The following KCTD1 variants were observed in gnomAD, a reference collection of about 807,000 sequenced individuals.
KCTD1 encodes potassium channel tetramerization domain containing 1.
In KCTD1, 24 loss-of-function variants were observed where a neutral mutation model predicts 66.0. That is an observed-to-expected ratio of 0.36 (90% CI 0.26 to 0.51). KCTD1 has a LOEUF of 0.51. Ranked by LOEUF, KCTD1 falls within the 20% of genes least tolerant of loss-of-function variation. KCTD1 has a pLI of 0.95. For synonymous variants in KCTD1, 511 were observed against 517.2 expected (o/e 0.99, Z 0.16); for missense variants, 943 against 1,205.2 (o/e 0.78, Z 3.22).
chr18:26,538,247 TA>T (rs1156986948), intron 1 of KCTD1, among the ~76,000 whole-genome samples: 3 of 147,734 alleles, frequency 2.0e-5, no homozygotes, highest in East Asian at 2.0e-4. Context: ...AACTCCGTCT[TA>T]AAAAAAAAAG....
chr18:26,584,832 A>C (rs956504691), intron 1 of KCTD1, among the ~76,000 whole-genome samples: 2 of 152,218 alleles, frequency 1.3e-5, no homozygotes, highest in Non-Finnish European at 1.5e-5. Context: ...GGAGTTAACC[A>C]GATCAGGAGA....
At chr18:26,552,857 CAAATT>C (rs1416688132), upstream of KCTD1, among the ~76,000 whole-genome samples, 4 of 151,634 alleles carry the variant, frequency 2.6e-5, no homozygotes, top group African/African-American at 4.9e-5. Context: ...TTTAAAGACA[CAAATT>C]AAAAGAGACG....
intron 1 of KCTD1, among the ~76,000 whole-genome samples, chr18:26,622,230 A>G (rs1160852340): frequency 6.6e-6 from 1 of 152,240 alleles, no homozygotes; most frequent in African/African-American, 2.4e-5. Flanking sequence ...AAGTTGTAAG[A>G]ACTCACGAGA....
chr18:26,548,371 C>CCT lies in KCTD1; in HGVS notation c.164_165dup (p.Glu56ArgfsTer17). 1 of 1,481,358 alleles carries CCT rather than the reference C, an allele frequency of 6.8e-7. No homozygotes were observed. The highest frequency in any genetic ancestry group is 9.0e-7 in the Non-Finnish European group (1 of 1,117,180). 91.8% of individuals were successfully genotyped at this position (1,481,358 alleles called of 1,614,324 possible). On this transcript the variant is annotated frameshift_variant, in exon 1 of 5. Transcript: ENST00000580059. LOFTEE classifies it high-confidence loss of function. ...TCCTCCTCCTCCTCTTCCTCCTCCT[C>CCT]CTCGCCCGCGCTGCAGTAGTGCGGA...
At chr18:26,563,918 A>C (rs1432106252) in intron 1 of KCTD1, among the ~76,000 whole-genome samples, 1 of 151,964 alleles carries the variant, frequency 6.6e-6, no homozygotes. Context: ...CTCACTCTGT[A>C]TGGCAGATTT....
intron 1 of KCTD1, among the ~76,000 whole-genome samples, chr18:26,645,604 C>A (rs981173862): frequency 1.3e-5 from 2 of 152,084 alleles, no homozygotes; most frequent in African/African-American, 4.8e-5. Flanking sequence ...TAATATGGTG[C>A]CCAGACTGGT....
Position 26,570,194 on chromosome 18 carries a change from ATAT to A in KCTD1, c.-16+58950_-16+58952del, listed in dbSNP as rs1193093434. Reference sequence around the variant, plus strand: ...GAGCAAGACTCCATCTAAAAAAAATATATATATATATATATATATATGATTTCA... The same window carrying A: ...GAGCAAGACTCCATCTAAAAAAAATAATATATATATATATATATGATTTCA... On this transcript the variant is annotated intron_variant, in intron 1 of 4. Coordinates refer to the KCTD1 transcript ENST00000317932. Among the ~76,000 whole-genome samples, 206 of 105,114 alleles carry A rather than the reference ATAT, an allele frequency of 2.0e-3. 5 individuals are homozygous for A. The highest frequency in any genetic ancestry group is 6.0e-3 in the African/African-American group (188 of 31,322). 69.0% of individuals were successfully genotyped at this position (105,114 alleles called of 152,430 possible). A position where few individuals can be genotyped will look rare whatever the true frequency, so the allele number is the denominator to read the frequency against.
At chr18:26,552,536 C>T (rs1013467816), upstream of KCTD1, among the ~76,000 whole-genome samples, 1 of 152,204 alleles carries the variant, frequency 6.6e-6, no homozygotes, top group African/African-American at 2.4e-5. Context: ...TATTAAAAAT[C>T]AGGACAAATA....
chr18:26,644,722 C>G (rs1283724802), upstream of KCTD1, among the ~76,000 whole-genome samples: 1 of 150,932 alleles, frequency 6.6e-6, no homozygotes, highest in Admixed American at 6.6e-5. Context: ...TGCACCATTA[C>G]ACTCCAGCCT....
intron 1 of KCTD1, among the ~76,000 whole-genome samples, chr18:26,512,670 A>G (rs1983396232): frequency 6.6e-6 from 1 of 152,160 alleles, no homozygotes; most frequent in Admixed American, 6.5e-5. Flanking sequence ...TCCTGATGAC[A>G]AGAGACTCCA....
At chr18:26,580,018 T>G (rs1162443947) in intron 1 of KCTD1, among the ~76,000 whole-genome samples, 1 of 152,184 alleles carries the variant, frequency 6.6e-6, no homozygotes, top group Non-Finnish European at 1.5e-5. Context: ...CAGAAGCAGG[T>G]AAGTTCCATT....
chr18:26,591,749 A>T (rs1371235965), intron 1 of KCTD1, among the ~76,000 whole-genome samples: 1 of 152,128 alleles, frequency 6.6e-6, no homozygotes, highest in East Asian at 1.9e-4. Context: ...TGGGACACTA[A>T]ATTATCTAAT....
intron 1 of KCTD1, among the ~76,000 whole-genome samples, chr18:26,508,040 ATACT>A (rs1434910515): frequency 8.5e-5 from 13 of 152,352 alleles, no homozygotes; most frequent in South Asian, 2.1e-4. Context: ...TACTGTTGAA[ATACT>A]TACTTAAATT....
intron 1 of KCTD1, among the ~76,000 whole-genome samples, chr18:26,537,749 A>G (rs1984775850): frequency 6.6e-6 from 1 of 152,222 alleles, no homozygotes; most frequent in South Asian, 2.1e-4. Flanking sequence ...AGCTATAATG[A>G]CCTTCATAAT....
chr18:26,593,637 GGAA>G (rs1372294848), intron 1 of KCTD1, among the ~76,000 whole-genome samples: 4 of 120,436 alleles, frequency 3.3e-5, no homozygotes, highest in African/African-American at 6.5e-5. Flanking sequence ...AAGATGAGGA[GGAA>G]GAGAAGGAAG....
In KCTD1 at chr18:26,501,680, C is replaced by T. The variant is rs59764357; in HGVS notation, c.1810-430G>A. On this transcript the variant is annotated intron_variant, in intron 1 of 4. Transcript: ENST00000580059. Reference sequence around the variant, plus strand: ...TTGAAAACTTCCTCATTGCTATGCACTTGGAATAAAAACAGACCTCTGACA... The same window carrying T: ...TTGAAAACTTCCTCATTGCTATGCATTTGGAATAAAAACAGACCTCTGACA... 5.1e-3 allele frequency among the ~76,000 whole-genome samples: 779 copies of T among 152,290 alleles called. 8 individuals are homozygous for T. The highest frequency in any genetic ancestry group is 0.017 in the African/African-American group (724 of 41,564).
intron 1 of KCTD1, among the ~76,000 whole-genome samples, chr18:26,607,590 A>G (rs903763296): frequency 1.3e-5 from 2 of 152,132 alleles, no homozygotes; most frequent in Non-Finnish European, 2.9e-5. Flanking sequence ...CTTCCATAAT[A>G]TGTCACCACT....
intron 1 of KCTD1, among the ~76,000 whole-genome samples, chr18:26,519,968 G>A (rs912412566): frequency 5.9e-5 from 9 of 152,206 alleles, no homozygotes; most frequent in Non-Finnish European, 1.2e-4. Context: ...CAGCTCTAGC[G>A]AGAGCCTATT....
chr18:26,531,215 G>T (rs1984420291), intron 1 of KCTD1, among the ~76,000 whole-genome samples: 1 of 152,162 alleles, frequency 6.6e-6, no homozygotes, highest in Non-Finnish European at 1.5e-5. Context: ...ATGAAACAGT[G>T]AGCATGGTGG....
Sources: gnomAD v4.1 joint callset for allele counts (sites outside exome capture counted in the v4.1 genomes callset) on GRCh38, gnomAD v4.1.1 for gene constraint, MANE v1.5 for transcripts, NCBI Gene and HGNC (gene_info 2026-07-23, HGNC 2026-07-21) for gene names.